The following RGS7 variants were observed in gnomAD, a reference collection of about 807,000 sequenced individuals.
RGS7 encodes the protein regulator of G-protein signaling 7.
Under a neutral mutation model 81.1 loss-of-function variants are expected in RGS7, and 27 were observed. The ratio of observed to expected loss-of-function variants is 0.33; its 90% CI spans 0.25 to 0.46. The LOEUF (loss-of-function observed/expected upper bound fraction) is 0.46. Among genes scored for constraint, RGS7 ranks in the 20% least tolerant of loss-of-function variants. The pLI, the probability that RGS7 is intolerant of heterozygous loss-of-function variation, is 1.00. For synonymous variants in RGS7, 208 were observed against 207.7 expected, an observed-to-expected ratio of 1.00 and a Z score of -0.01; for missense variants, 396 against 607.4, an observed-to-expected ratio of 0.65 and a Z score of 3.66.
At chr1:241,241,811 C>T (rs1202779406) in intron 2 of RGS7, among the ~76,000 whole-genome samples, 1 of 152,074 alleles carries the variant, frequency 6.6e-6, no homozygotes, top group Non-Finnish European at 1.5e-5. Context: ...TACATGATTA[C>T]CATTTAAGAA....
chr1:241,352,759 C>A (rs2083325685), intron 2 of RGS7, among the ~76,000 whole-genome samples: 1 of 152,222 alleles, frequency 6.6e-6, no homozygotes, highest in Admixed American at 6.5e-5. Flanking sequence ...TCCCTGGAAT[C>A]TTTCTGTGAT....
chr1:240,913,459 G>C (rs1173051537), intron 6 of RGS7, among the ~76,000 whole-genome samples: 1 of 152,116 alleles, frequency 6.6e-6, no homozygotes, highest in Non-Finnish European at 1.5e-5. Context: ...GAAAGGAGTA[G>C]AATACTTTCG....
chr1:241,171,964 G>T (rs768222325), intron 2 of RGS7, among the ~76,000 whole-genome samples: 6 of 151,952 alleles, frequency 3.9e-5, no homozygotes, highest in Non-Finnish European at 8.8e-5. Flanking sequence ...TTTAGTGTCT[G>T]TGCTCTTCTT....
intron 4 of RGS7, among the ~76,000 whole-genome samples, chr1:240,980,876 C>A (rs1684813116): frequency 1.3e-5 from 2 of 152,144 alleles, no homozygotes; most frequent in South Asian, 4.2e-4. Context: ...ATGTATGTTC[C>A]TTCCTGGATA....
chr1:240,827,661 G>C (rs540350864), intron 9 of RGS7, among the ~76,000 whole-genome samples: 2 of 151,904 alleles, frequency 1.3e-5, no homozygotes, highest in African/African-American at 4.8e-5. Flanking sequence ...TAAGGAGTTC[G>C]AGACCAGCCT....
At chr1:241,315,381 C>T (rs1419953400) in intron 2 of RGS7, among the ~76,000 whole-genome samples, 2 of 151,714 alleles carry the variant, frequency 1.3e-5, no homozygotes, top group African/African-American at 4.8e-5. Context: ...ATAGCTAATC[C>T]CTATAGCCTT....
At chr1:241,177,983 C>T (rs1440241065) in intron 2 of RGS7, among the ~76,000 whole-genome samples, 2 of 152,094 alleles carry the variant, frequency 1.3e-5, no homozygotes, top group South Asian at 2.1e-4. Context: ...TAGTTGGATA[C>T]ATAAGTCAGG....
intron 6 of RGS7, among the ~76,000 whole-genome samples, chr1:240,926,899 A>G (rs1674537447): frequency 6.6e-6 from 1 of 152,210 alleles, no homozygotes; most frequent in African/African-American, 2.4e-5. Flanking sequence ...CAGAATCAAA[A>G]CATTCCATTT....
intron 2 of RGS7, among the ~76,000 whole-genome samples, chr1:241,347,732 T>G (rs2082990354): frequency 6.6e-6 from 1 of 152,108 alleles, no homozygotes; most frequent in Non-Finnish European, 1.5e-5. Flanking sequence ...ACAACCTATG[T>G]CATCTGATGT....
At chr1:241,220,982 G>A (rs201924673) in intron 2 of RGS7, among the ~76,000 whole-genome samples, 4,861 of 45,812 alleles carry the variant, frequency 0.11, 226 homozygotes, top group East Asian at 0.16. Context: ...AGGAAGGAAG[G>A]AAGGAAGGAA....
intron 3 of RGS7, among the ~76,000 whole-genome samples, chr1:241,085,529 A>T (rs1185156392): frequency 6.6e-6 from 1 of 152,038 alleles, no homozygotes; most frequent in African/African-American, 2.4e-5. Flanking sequence ...GGGTCAAGCA[A>T]TTCTCCTGAC....
chr1:241,232,212 T>TCTC (rs1183118927), intron 2 of RGS7, among the ~76,000 whole-genome samples: 19 of 108,046 alleles, frequency 1.8e-4, no homozygotes, highest in East Asian at 5.1e-4. Flanking sequence ...CTCTCTCTCT[T>TCTC]TCTCTCTCTC....
In RGS7 at chr1:241,242,425, C is replaced by T. The variant is rs142737103; in HGVS notation, c.78+113274G>A. Reference sequence around the variant, plus strand: ...ACATTTTTTGCAGTTGTGAACTGTGCTGCTATAAACATGTGTGTACAAGTA... The same window carrying T: ...ACATTTTTTGCAGTTGTGAACTGTGTTGCTATAAACATGTGTGTACAAGTA... On this transcript the variant is annotated intron_variant, in intron 2 of 18. Coordinates refer to ENST00000440928, the MANE Select transcript of RGS7 (RefSeq NM_001364886.1). 1.8e-4 allele frequency among the ~76,000 whole-genome samples: 28 copies of T among 152,240 alleles called. No individual in the cohort carries two copies. The East Asian group carries it at 4.8e-3, about 26-fold the overall frequency.
At chr1:240,906,573 C>T (rs563125395) in intron 6 of RGS7, among the ~76,000 whole-genome samples, 1 of 152,340 alleles carries the variant, frequency 6.6e-6, no homozygotes, top group East Asian at 1.9e-4. Context: ...TTCTACCTCC[C>T]TCTGGGGAAT....
At chr1:241,184,059 T>A (rs1484969313) in intron 2 of RGS7, among the ~76,000 whole-genome samples, 1 of 152,182 alleles carries the variant, frequency 6.6e-6, no homozygotes, top group Non-Finnish European at 1.5e-5. Context: ...GGCATTTTCA[T>A]GCAACTTTGC....
intron 9 of RGS7, among the ~76,000 whole-genome samples, chr1:240,839,095 A>G (rs917883936): frequency 2.0e-5 from 3 of 152,146 alleles, no homozygotes; most frequent in East Asian, 1.9e-4. Flanking sequence ...AGCAATGCCT[A>G]TGAGGCTAGA....
intron 9 of RGS7, among the ~76,000 whole-genome samples, chr1:240,866,533 A>G (rs565952956): frequency 2.2e-4 from 33 of 151,598 alleles, no homozygotes; most frequent in African/African-American, 7.7e-4. Context: ...AAAAAGTTCA[A>G]CAAGGGAGAT....
In RGS7 at chr1:240,920,807, G is replaced by C. The variant is rs139075552; in HGVS notation, c.385+9910C>G. ...TGTATTTGTGACTAATTGTATGACAGGTTATTTTAGTTTCTGTTCTGTGGA... is the reference window on the plus strand; with the variant it reads ...TGTATTTGTGACTAATTGTATGACACGTTATTTTAGTTTCTGTTCTGTGGA... On this transcript the variant is annotated intron_variant, in intron 6 of 18. Transcript: ENST00000440928. Among the ~76,000 whole-genome samples, 588 of 152,172 alleles carry C rather than the reference G, an allele frequency of 3.9e-3. 7 individuals are homozygous for C. The highest frequency in any genetic ancestry group is 0.014 in the African/African-American group (575 of 41,526).
At chr1:241,353,587 T>C (rs2083379800) in intron 2 of RGS7, among the ~76,000 whole-genome samples, 1 of 151,980 alleles carries the variant, frequency 6.6e-6, no homozygotes, top group African/African-American at 2.4e-5. Flanking sequence ...CTGAAAGGAG[T>C]TACTTTTTCC....
Sources: gnomAD v4.1 joint callset for allele counts (sites outside exome capture counted in the v4.1 genomes callset) on GRCh38, gnomAD v4.1.1 for gene constraint, MANE v1.5 for transcripts, NCBI Gene and HGNC (gene_info 2026-07-23, HGNC 2026-07-21) for gene names.